The following SPECC1 variants were observed in gnomAD, a reference collection of about 807,000 sequenced individuals.
SPECC1 encodes the protein cytospin-B.
In SPECC1, 62 loss-of-function variants were observed where a neutral mutation model predicts 104.1. That is an observed-to-expected ratio of 0.60 (90% CI 0.49 to 0.74). The LOEUF is 0.74. Ranked by LOEUF, SPECC1 falls within the 30% of genes least tolerant of loss-of-function variation. SPECC1 has a pLI of 0.00. For synonymous variants in SPECC1, 513 were observed against 501.6 expected (o/e 1.02, Z -0.30); for missense variants, 1,306 against 1,310.5 (o/e 1.00, Z 0.05).
At chr17:20,244,292 C>G (rs1375326896) in intron 7 of SPECC1, among the ~76,000 whole-genome samples, 4 of 152,110 alleles carry the variant, frequency 2.6e-5, no homozygotes, top group Admixed American at 6.6e-5. Flanking sequence ...CTAGCACAGA[C>G]CGAGGAAATT....
At chr17:20,068,402 T>G (rs1364731953) in intron 1 of SPECC1, among the ~76,000 whole-genome samples, 1 of 152,186 alleles carries the variant, frequency 6.6e-6, no homozygotes, top group Admixed American at 6.5e-5. Flanking sequence ...GGCCACTGGG[T>G]TTTTTCTACT....
chr17:20,080,502 A>G (rs971899655), intron 1 of SPECC1, among the ~76,000 whole-genome samples: 4 of 152,062 alleles, frequency 2.6e-5, no homozygotes, highest in African/African-American at 9.7e-5. Context: ...CCTTATAACG[A>G]GAAGAGCCAC....
At chr17:20,093,820 T>C (rs958980103) in intron 1 of SPECC1, among the ~76,000 whole-genome samples, 12 of 150,488 alleles carry the variant, frequency 8.0e-5, no homozygotes, top group Non-Finnish European at 1.6e-4. Context: ...AACCTCTGCC[T>C]CCCGGGTTCA....
intron 11 of SPECC1, 104 bp downstream of exon 11, chr17:20,257,711 T>A: frequency 7.0e-7 from 1 of 1,435,126 alleles, no homozygotes. Flanking sequence ...TACAAATATT[T>A]CCTGCATGAA....
chr17:20,042,290 A>G (rs1469103564), intron 1 of SPECC1, among the ~76,000 whole-genome samples: 1 of 151,746 alleles, frequency 6.6e-6, no homozygotes, highest in Non-Finnish European at 1.5e-5. Flanking sequence ...GGCCTCCCTG[A>G]TACCTCCCTG....
chr17:20,100,412 C>G lies in SPECC1; in HGVS notation c.147+3614C>G, dbSNP rs530149837. On this transcript the variant is annotated intron_variant, in intron 2 of 14. Transcript: ENST00000395527. ...CAAAAAAGCAAGTAATTTTCCCTCC[C>G]AATATTTTACTGTGACAATTTGTAA... is the stretch of plus-strand genomic sequence containing the variant. Among the ~76,000 whole-genome samples, 3 of 152,222 alleles carry G rather than the reference C, an allele frequency of 2.0e-5. No individual in the cohort carries two copies. The South Asian group carries it at 6.2e-4, about 32-fold the overall frequency.
intron 5 of SPECC1, among the ~76,000 whole-genome samples, chr17:20,228,969 A>AT (rs1186690504): frequency 1.3e-5 from 2 of 152,176 alleles, no homozygotes; most frequent in African/African-American, 4.8e-5. Context: ...TTATTCACAG[A>AT]TTTCACATTG....
chr17:20,034,555 G>C (rs551676090), intron 1 of SPECC1, among the ~76,000 whole-genome samples: 1 of 151,560 alleles, frequency 6.6e-6, no homozygotes, highest in African/African-American at 2.4e-5. Context: ...TTGGCATCAA[G>C]TGTAAGAATT....
chr17:20,075,216 A>AT (rs923167614), intron 1 of SPECC1, among the ~76,000 whole-genome samples: 6 of 152,138 alleles, frequency 3.9e-5, no homozygotes, highest in Non-Finnish European at 5.9e-5. Context: ...ATACATTAAC[A>AT]TTTTTTTAAA....
chr17:20,160,753 A>G (rs558646981), intron 3 of SPECC1, among the ~76,000 whole-genome samples: 4 of 152,298 alleles, frequency 2.6e-5, no homozygotes, highest in African/African-American at 9.6e-5. Context: ...ACAATTCTAC[A>G]TGATATACTA....
chr17:20,056,518 A>G lies in SPECC1; in HGVS notation c.-21-40113A>G, dbSNP rs1451096611. On this transcript the variant is annotated intron_variant, in intron 1 of 14. Transcript: ENST00000395527. ...TTTTTCGATTGTGCTTCAAGGGATTAGGAAGCCTAAAAAATGAGATCAATA... is the reference window on the plus strand; with the variant it reads ...TTTTTCGATTGTGCTTCAAGGGATTGGGAAGCCTAAAAAATGAGATCAATA... 3.7e-5 allele frequency: 8 copies of G among 216,042 alleles called. No homozygotes were observed. In the South Asian group the frequency reaches 6.7e-4, roughly 18 times the overall value. 13.4% of individuals were successfully genotyped at this position (216,042 alleles called of 1,614,324 possible).
chr17:20,102,915 C>G (rs2048009440), intron 2 of SPECC1, among the ~76,000 whole-genome samples: 1 of 152,170 alleles, frequency 6.6e-6, no homozygotes, highest in Non-Finnish European at 1.5e-5. Context: ...CACTGTTATC[C>G]TAAGCACACT....
intron 1 of SPECC1, among the ~76,000 whole-genome samples, chr17:20,063,764 A>G (rs886939000): frequency 1.3e-5 from 2 of 152,248 alleles, no homozygotes; most frequent in Non-Finnish European, 2.9e-5. Flanking sequence ...TCAGACTATC[A>G]GCTTTGTTAA....
In SPECC1 at chr17:20,317,231, A is replaced by G. The variant is rs994190111; in HGVS notation, c.*3166A>G. ...GGAGTTTGAGACCAGCCTGGGCAACATGGCAAGACCTCTGACTCTATAAAA... is the reference window on the plus strand; with the variant it reads ...GGAGTTTGAGACCAGCCTGGGCAACGTGGCAAGACCTCTGACTCTATAAAA... On this transcript the variant is annotated 3_prime_UTR_variant, in exon 15 of 15. Transcript: ENST00000395527. 3.3e-5 allele frequency: 5 copies of G among 152,468 alleles called. No individual in the cohort carries two copies. Among genetic ancestry groups the G allele is most frequent in the Non-Finnish European group, 5.4e-5 (4 of 74,602 alleles). 9.4% of individuals were successfully genotyped at this position (152,468 alleles called of 1,614,324 possible). A position where few individuals can be genotyped will look rare whatever the true frequency, so the allele number is the denominator to read the frequency against.
intron 1 of SPECC1, among the ~76,000 whole-genome samples, chr17:20,032,414 T>A (rs980773012): frequency 3.3e-5 from 5 of 151,216 alleles, no homozygotes; most frequent in African/African-American, 1.2e-4. Flanking sequence ...ATGTGATTAA[T>A]GGTGTGCCAC....
intron 1 of SPECC1, chr17:20,056,415 C>G (rs762399263): frequency 1.6e-5 from 3 of 186,130 alleles, no homozygotes; most frequent in African/African-American, 2.4e-5. Flanking sequence ...AGGGCGAGGC[C>G]GCTTGTATCA....
intron 2 of SPECC1, 43 bp from the exon 3 acceptor site, chr17:20,110,384 A>G: frequency 6.4e-7 from 1 of 1,568,216 alleles, no homozygotes. Context: ...TCCTTCCTGA[A>G]AACCACCTCT....
chr17:20,171,779 A>T (rs1457153732), intron 3 of SPECC1, among the ~76,000 whole-genome samples: 1 of 151,944 alleles, frequency 6.6e-6, no homozygotes, highest in Non-Finnish European at 1.5e-5. Context: ...CATCCCTATT[A>T]ATGTGAATTC....
chr17:20,266,410 C>T (rs142973646), intron 12 of SPECC1, among the ~76,000 whole-genome samples: 21 of 152,194 alleles, frequency 1.4e-4, no homozygotes, highest in African/African-American at 4.8e-4. Context: ...GGTGAAACCC[C>T]GTCTCTACTA....
Sources: gnomAD v4.1 joint callset for allele counts (sites outside exome capture counted in the v4.1 genomes callset) on GRCh38, gnomAD v4.1.1 for gene constraint, MANE v1.5 for transcripts, NCBI Gene and HGNC (gene_info 2026-07-23, HGNC 2026-07-21) for gene names.